The following NR3C2 variants were observed in gnomAD, a reference collection of about 807,000 sequenced individuals.
NR3C2 encodes mineralocorticoid receptor.
In NR3C2, 15 loss-of-function variants were observed where a neutral mutation model predicts 86.4. That is an observed-to-expected ratio of 0.17 (90% CI 0.12 to 0.27). NR3C2 has a LOEUF of 0.27. NR3C2 is among the 10% of genes least tolerant of loss of function. NR3C2 has a pLI of 1.00. For missense variants in NR3C2, 960 were observed against 1,195.6 expected (o/e 0.80, Z 2.91); for synonymous variants, 458 against 450.5 (o/e 1.02, Z -0.21).
At chr4:148,441,778 C>T (rs1407131811) in intron 1 of NR3C2, among the ~76,000 whole-genome samples, 1 of 152,194 alleles carries the variant, frequency 6.6e-6, no homozygotes, top group South Asian at 2.1e-4. Context: ...ATGCGCTACA[C>T]CTCCGGCTGA....
chr4:148,426,724 T>C (rs1313350086), intron 2 of NR3C2, among the ~76,000 whole-genome samples: 1 of 152,182 alleles, frequency 6.6e-6, no homozygotes, highest in East Asian at 1.9e-4. Flanking sequence ...CCCTGGGTAA[T>C]ATTACTTTTA....
chr4:148,355,665 T>C (rs61761534), intron 2 of NR3C2, among the ~76,000 whole-genome samples: 70 of 152,316 alleles, frequency 4.6e-4, no homozygotes, highest in Non-Finnish European at 9.3e-4. Context: ...ATCCCGTCAG[T>C]TGTTTATCAT....
intron 2 of NR3C2, among the ~76,000 whole-genome samples, chr4:148,337,597 T>C (rs1264706066): frequency 1.3e-5 from 2 of 152,226 alleles, no homozygotes; most frequent in African/African-American, 2.4e-5. Flanking sequence ...CATTTATCTA[T>C]TTTGTTAAAA....
chr4:148,317,941 T>C (rs1321191008), intron 2 of NR3C2, among the ~76,000 whole-genome samples: 1 of 151,630 alleles, frequency 6.6e-6, no homozygotes, highest in Non-Finnish European at 1.5e-5. Flanking sequence ...TAGTTACATA[T>C]GTATACATGT....
chr4:148,275,804 C>A (rs1740932692), intron 2 of NR3C2, among the ~76,000 whole-genome samples: 1 of 151,964 alleles, frequency 6.6e-6, no homozygotes. Context: ...TGCTATACAA[C>A]CATCAGGGAA....
At chr4:148,376,155 A>AC (rs1461657181) in intron 2 of NR3C2, among the ~76,000 whole-genome samples, 1 of 151,636 alleles carries the variant, frequency 6.6e-6, no homozygotes, top group Non-Finnish European at 1.5e-5. Context: ...CAAAAAAAAA[A>AC]AAAAAAACCC....
intron 2 of NR3C2, among the ~76,000 whole-genome samples, chr4:148,388,211 G>C (rs541145124): frequency 3.0e-4 from 46 of 152,248 alleles, no homozygotes; most frequent in African/African-American, 1.1e-3. Context: ...CAGTATTTTA[G>C]GGAAAACAAT....
At chr4:148,360,864 C>G (rs1745800579) in intron 2 of NR3C2, among the ~76,000 whole-genome samples, 1 of 152,052 alleles carries the variant, frequency 6.6e-6, no homozygotes, top group South Asian at 2.1e-4. Flanking sequence ...TGGCAAGAAA[C>G]AGTAATGGTG....
intron 3 of NR3C2, among the ~76,000 whole-genome samples, chr4:148,253,987 G>A (rs532928073): frequency 1.6e-4 from 24 of 152,128 alleles, no homozygotes; most frequent in East Asian, 7.7e-4. Context: ...AGTGAACGGC[G>A]TTAGCAGCCA....
chr4:148,343,000 G>A (rs972382395), intron 2 of NR3C2, among the ~76,000 whole-genome samples: 3 of 152,002 alleles, frequency 2.0e-5, no homozygotes, highest in Admixed American at 2.0e-4. Context: ...GCCCAATCCC[G>A]GAAAGAAAAA....
chr4:148,118,063 C>T lies in NR3C2; in HGVS notation c.2641+2095G>A, dbSNP rs151092398. On this transcript the variant is annotated intron_variant, in intron 7 of 8. Coordinates refer to ENST00000358102, the MANE Select transcript of NR3C2 (RefSeq NM_000901.5). The stretch of plus-strand genomic sequence containing the variant: ...TGTCTCCTGTCATCTTTCTGGGTCT[C>T]GCCCTCATCTGATGGGAGCTTCCTC... 2.9e-3 allele frequency among the ~76,000 whole-genome samples: 447 copies of T among 152,292 alleles called. 2 individuals are homozygous for T. Among genetic ancestry groups the T allele is most frequent in the African/African-American group, 9.6e-3 (397 of 41,554 alleles).
At chr4:148,300,729 T>C (rs962662309) in intron 2 of NR3C2, among the ~76,000 whole-genome samples, 7 of 151,848 alleles carry the variant, frequency 4.6e-5, no homozygotes, top group Non-Finnish European at 8.8e-5. Context: ...TGTGCCACCA[T>C]GCCCAGCTAC....
chr4:148,282,471 T>G (rs1429085657), intron 2 of NR3C2, among the ~76,000 whole-genome samples: 2 of 152,226 alleles, frequency 1.3e-5, no homozygotes. Flanking sequence ...CAGCCTAATA[T>G]ATCTTACAGC....
intron 4 of NR3C2, among the ~76,000 whole-genome samples, chr4:148,186,996 G>GTGTATA (rs1270300388): frequency 4.8e-4 from 13 of 27,202 alleles, no homozygotes; most frequent in East Asian, 4.9e-3. Flanking sequence ...GTGTATGTAT[G>GTGTATA]TATATATATA....
intron 2 of NR3C2, among the ~76,000 whole-genome samples, chr4:148,323,836 C>A (rs936047215): frequency 6.6e-6 from 1 of 151,372 alleles, no homozygotes; most frequent in African/African-American, 2.4e-5. Context: ...AAATCACCGT[C>A]TTCTGCGTCG....
At position 148,436,839 on chromosome 4, in the gene NR3C2, T is replaced by G; in HGVS notation, c.22A>C (p.Ser8Arg). The G allele has an allele frequency of 6.2e-7, 1 of 1,610,908 alleles. No individual in the cohort carries two copies. Among genetic ancestry groups the G allele is most frequent in the Non-Finnish European group, 8.5e-7 (1 of 1,179,900 alleles). Reference sequence around the variant, plus strand: ...TCCATATCTAGACCTTCAGGGAGACTGTGGTAGCCTTTGGTCTCCATCGCT... The same window carrying G: ...TCCATATCTAGACCTTCAGGGAGACGGTGGTAGCCTTTGGTCTCCATCGCT... METKGYH[S>R]LPEGLDMERR... Residue 8 changes from serine (S) to arginine (R), a missense_variant, in exon 2 of 9, where the codon AGT becomes CGT. Physicochemically the swap from Ser to Arg is moderately radical, Grantham distance 110. Coordinates refer to ENST00000358102, the MANE Select transcript of NR3C2 (RefSeq NM_000901.5).
chr4:148,442,113 G>A (rs1750372995), intron 1 of NR3C2, 47 bp downstream of exon 1: 1 of 152,694 alleles, frequency 6.5e-6, no homozygotes, highest in Non-Finnish European at 1.5e-5. Flanking sequence ...CGCCGCGGCC[G>A]CACGCCGAGC....
chr4:148,084,410 T>TG (rs1297278095), intron 8 of NR3C2, among the ~76,000 whole-genome samples: 9 of 152,168 alleles, frequency 5.9e-5, no homozygotes, highest in Non-Finnish European at 1.3e-4. Context: ...CATATCTAGC[T>TG]AAACTAAGCT....
At chr4:148,420,608 A>G (rs1316478427) in intron 2 of NR3C2, among the ~76,000 whole-genome samples, 4 of 152,044 alleles carry the variant, frequency 2.6e-5, no homozygotes, top group Non-Finnish European at 5.9e-5. Flanking sequence ...CTCATTTTCC[A>G]CTCTGACCAC....
Sources: allele counts gnomAD v4.1 joint callset (sites outside exome capture counted in the v4.1 genomes callset), GRCh38; gene constraint gnomAD v4.1.1; transcripts MANE v1.5; gene names NCBI Gene and HGNC (gene_info 2026-07-23, HGNC 2026-07-21).